Variants in SLC44A1 observed in about 807,000 individuals in gnomAD.
The protein encoded by SLC44A1 is choline transporter-like protein 1.
In SLC44A1, 26 loss-of-function variants were observed where a neutral mutation model predicts 79.3. The ratio of observed to expected loss-of-function variants is 0.33; its 90% CI spans 0.24 to 0.46. The LOEUF is 0.46. SLC44A1 is among the 20% of genes least tolerant of loss of function. SLC44A1 has a pLI of 1.00. For synonymous variants in SLC44A1, 263 were observed against 286.2 expected, an observed-to-expected ratio of 0.92 and a Z score of 0.82; for missense variants, 688 against 798.1, an observed-to-expected ratio of 0.86 and a Z score of 1.66.
In SLC44A1 at chr9:105,269,272, A is replaced by G. The variant is rs541918961; in HGVS notation, c.36+24368A>G. 3.0e-4 allele frequency among the ~76,000 whole-genome samples: 46 copies of G among 152,188 alleles called. 1 individual carries two copies. The South Asian group carries it at 9.6e-3, about 32-fold the overall frequency. Reference sequence around the variant, plus strand: ...ATATCTTTTGGCCTTGATATTATTTATCATTTTGTTTTTATTTTTAAACAT... The same window carrying G: ...ATATCTTTTGGCCTTGATATTATTTGTCATTTTGTTTTTATTTTTAAACAT... On this transcript the variant is annotated intron_variant, in intron 1 of 15. Transcript: ENST00000374720.
Position 105,391,756 on chromosome 9 carries a change from G to T in SLC44A1, c.*2700G>T. 2.0e-6 allele frequency: 2 copies of T among 985,314 alleles called. No homozygotes were observed. The highest frequency in any genetic ancestry group is 2.4e-6 in the Non-Finnish European group (2 of 829,900). The allele number at this position is 985,314 out of a possible 1,614,324, so 61.0% of individuals were successfully genotyped here. A position where few individuals can be genotyped will look rare whatever the true frequency, so the allele number is the denominator to read the frequency against. ...CTTCCATCTTCTGCCCAAGTGAGAAGAATAGATGAAGAACAGAAATTTCTC... is the reference window on the plus strand; with the variant it reads ...CTTCCATCTTCTGCCCAAGTGAGAATAATAGATGAAGAACAGAAATTTCTC... On this transcript the variant is annotated 3_prime_UTR_variant, in exon 16 of 16. Coordinates refer to ENST00000374720, the MANE Select transcript of SLC44A1 (RefSeq NM_080546.5).
chr9:105,437,900 T>C (rs1270784972), intron 15 of SLC44A1, among the ~76,000 whole-genome samples: 2 of 152,222 alleles, frequency 1.3e-5, no homozygotes, highest in Non-Finnish European at 2.9e-5. Context: ...CAAAGAACAA[T>C]ACTAATGCCA....
In SLC44A1 at chr9:105,437,149, T is replaced by C. The variant is rs745384340; in HGVS notation, c.1951-1132T>C. On this transcript the variant is annotated intron_variant, in intron 15 of 15. Transcript: ENST00000374724. ...TTATTTGGAAATGATTTTAAACTTA[T>C]AGAAATGCTGCAAGAATAAGAATGG... Among the ~76,000 whole-genome samples the C allele has an allele frequency of 2.0e-5, 3 of 152,188 alleles. No individual in the cohort carries two copies. The East Asian group carries it at 5.8e-4, about 29-fold the overall frequency.
At chr9:105,437,201 T>A (rs965584435) in intron 15 of SLC44A1, among the ~76,000 whole-genome samples, 1 of 152,180 alleles carries the variant, frequency 6.6e-6, no homozygotes, top group Non-Finnish European at 1.5e-5. Flanking sequence ...CTACATATTG[T>A]TACACCTCTG....
intron 12 of SLC44A1, among the ~76,000 whole-genome samples, chr9:105,367,687 G>C (rs1282346350): frequency 6.6e-6 from 1 of 152,038 alleles, no homozygotes; most frequent in Non-Finnish European, 1.5e-5. Flanking sequence ...TTTTCCAAAT[G>C]TGCCTGGAAT....
intron 1 of SLC44A1, among the ~76,000 whole-genome samples, chr9:105,283,040 A>G (rs77075023): frequency 1.3e-5 from 2 of 152,116 alleles, no homozygotes; most frequent in Admixed American, 1.3e-4. Flanking sequence ...GGATACTTCA[A>G]CCTTTAATTT....
At chr9:105,361,409 C>G (rs1827777091) in intron 8 of SLC44A1, 79 bp downstream of exon 8, 1 of 1,344,368 alleles carries the variant, frequency 7.4e-7, no homozygotes, top group African/African-American at 1.5e-5. Flanking sequence ...AAACTCAAAT[C>G]TAGCTTTTGC....
chr9:105,351,666 G>GAAAGAAAGAAAGA (rs1316476533), intron 5 of SLC44A1, among the ~76,000 whole-genome samples: 1 of 150,444 alleles, frequency 6.6e-6, no homozygotes, highest in Non-Finnish European at 1.5e-5. Context: ...AAGAAAGAAA[G>GAAAGAAAGAAAGA]AAAGAAAGAA....
intron 1 of SLC44A1, among the ~76,000 whole-genome samples, chr9:105,298,369 T>G (rs1564422561): frequency 6.6e-6 from 1 of 152,172 alleles, no homozygotes; most frequent in Non-Finnish European, 1.5e-5. Flanking sequence ...TGTTTGTTTT[T>G]GAGATGGAGT....
chr9:105,306,730 GAAA>G (rs1383632100), intron 2 of SLC44A1, among the ~76,000 whole-genome samples: 1 of 151,576 alleles, frequency 6.6e-6, no homozygotes, highest in Non-Finnish European at 1.5e-5. Flanking sequence ...TGATGATAAA[GAAA>G]AAAACCCACA....
chr9:105,288,212 A>G (rs1830519437), intron 1 of SLC44A1, among the ~76,000 whole-genome samples: 1 of 152,192 alleles, frequency 6.6e-6, no homozygotes, highest in South Asian at 2.1e-4. Flanking sequence ...GTTACTATAC[A>G]GTCTTCATAG....
chr9:105,383,112 C>T lies in SLC44A1; in HGVS notation c.1633-11C>T. ...GGATATTAAATATGATCTTTGTTCT[C>T]TCTGCTTCAGGTGCTGATAGTCTGC... On this transcript the variant is annotated splice_polypyrimidine_tract_variant and intron_variant, in intron 13 of 15. Transcript: ENST00000374720. 6.3e-7 allele frequency: 1 copy of T among 1,589,092 alleles called. No homozygotes were observed. The highest frequency in any genetic ancestry group is 8.6e-7 in the Non-Finnish European group (1 of 1,157,656).
At chr9:105,254,218 G>A (rs752064302) in intron 1 of SLC44A1, among the ~76,000 whole-genome samples, 3 of 152,068 alleles carry the variant, frequency 2.0e-5, no homozygotes, top group Non-Finnish European at 2.9e-5. Flanking sequence ...GTCATTTTAC[G>A]GAAGGTAGCT....
chr9:105,423,789 A>T (rs1049555970), intron 15 of SLC44A1, among the ~76,000 whole-genome samples: 1 of 152,222 alleles, frequency 6.6e-6, no homozygotes, highest in Admixed American at 6.5e-5. Context: ...TTTCCAAAAT[A>T]TACAAGGAGT....
At chr9:105,320,221 C>A (rs1826347371) in intron 3 of SLC44A1, among the ~76,000 whole-genome samples, 1 of 151,374 alleles carries the variant, frequency 6.6e-6, no homozygotes, top group African/African-American at 2.4e-5. Context: ...GAGAAATATT[C>A]CATTGTGTGG....
In SLC44A1 at chr9:105,390,914, C is replaced by A. The variant is rs1392056563; in HGVS notation, c.*1858C>A. On this transcript the variant is annotated 3_prime_UTR_variant, in exon 16 of 16. Coordinates refer to ENST00000374720, the MANE Select transcript of SLC44A1 (RefSeq NM_080546.5). ...AATATCTAGTATCACCAAACAGTAT[C>A]GCTGTTCTCTTTTATTCATTTGAAA... is the stretch of plus-strand genomic sequence containing the variant. 1 of 978,938 alleles carries A rather than the reference C, an allele frequency of 1.0e-6. No individual in the cohort carries two copies. Among genetic ancestry groups the A allele is most frequent in the African/African-American group, 1.8e-5 (1 of 57,008 alleles). 60.6% of individuals were successfully genotyped at this position (978,938 alleles called of 1,614,324 possible).
intron 2 of SLC44A1, among the ~76,000 whole-genome samples, chr9:105,305,975 C>T (rs892568649): frequency 6.6e-6 from 1 of 151,430 alleles, no homozygotes; most frequent in African/African-American, 2.4e-5. Context: ...TGTCTTTCTC[C>T]ACTTAGGCAG....
At chr9:105,313,264 A>C (rs1564430999) in intron 3 of SLC44A1, among the ~76,000 whole-genome samples, 1 of 152,186 alleles carries the variant, frequency 6.6e-6, no homozygotes, top group Non-Finnish European at 1.5e-5. Flanking sequence ...TACTGCCTTC[A>C]GTTTGCACTC....
chr9:105,269,773 GTCT>G (rs901005230), intron 1 of SLC44A1, among the ~76,000 whole-genome samples: 1 of 152,190 alleles, frequency 6.6e-6, no homozygotes, highest in Admixed American at 6.5e-5. Context: ...GCTGCCAGCA[GTCT>G]TCTTTGCACA....
Sources: gnomAD v4.1 joint callset for allele counts (sites outside exome capture counted in the v4.1 genomes callset) on GRCh38, gnomAD v4.1.1 for gene constraint, MANE v1.5 for transcripts, NCBI Gene and HGNC (gene_info 2026-07-23, HGNC 2026-07-21) for gene names.